Variants in HEPH observed in about 807,000 individuals in gnomAD.
The protein encoded by HEPH is hephaestin.
A neutral mutation model predicts 80.8 loss-of-function variants in HEPH; 69 were observed. The ratio of observed to expected loss-of-function variants is 0.85; its 90% CI spans 0.70 to 1.04. The LOEUF (loss-of-function observed/expected upper bound fraction) is 1.04, where lower values mean the gene tolerates loss of function less well. Among genes scored for constraint, HEPH ranks in the 50% least tolerant of loss-of-function variants. HEPH has a pLI of 0.00. For missense variants in HEPH, 1,115 were observed against 891.3 expected (o/e 1.25, Z -3.20); for synonymous variants, 431 against 322.8 (o/e 1.34, Z -3.60).
intron 15 of HEPH, among the ~76,000 whole-genome samples, chrX:66,210,493 G>A (rs1421704169): frequency 9.0e-6 from 1 of 111,379 alleles, no homozygotes; most frequent in East Asian, 2.8e-4. Context: ...GGGACTAATA[G>A]GCTAGAGTGT....
Position 66,256,122 on chromosome X carries a change from G to A in HEPH, c.2688G>A (p.Leu896=). The change falls in exon 17 of 21, where the codon CTG becomes CTA. Residue 896 remains leucine (L), a synonymous_variant. Transcript: ENST00000343002. ...TTCCTCAGGACATGTATAGTGGCCT[G>A]GTGGGGCCCTTGGCTATCTGCCAAA... ...VDPIKDMYSG[L]VGPLAICQKG... 2 of 1,209,185 alleles carry A rather than the reference G, an allele frequency of 1.7e-6. No individual in the cohort carries two copies. Among genetic ancestry groups the A allele is most frequent in the Non-Finnish European group, 1.1e-6 (1 of 893,377 alleles).
chrX:66,249,345 C>A (rs1569402051), intron 15 of HEPH, among the ~76,000 whole-genome samples: 2 of 111,768 alleles, frequency 1.8e-5, no homozygotes, highest in African/African-American at 6.5e-5. Flanking sequence ...TAATATCTGT[C>A]TCATAGGGAT....
intron 17 of HEPH, among the ~76,000 whole-genome samples, chrX:66,258,347 A>G (rs1338109274): frequency 9.0e-6 from 1 of 111,553 alleles, no homozygotes; most frequent in Non-Finnish European, 1.9e-5. Flanking sequence ...GGGGGAGTGA[A>G]GATTTGACTG....
chrX:66,202,285 T>C (rs967291632), intron 12 of HEPH, among the ~76,000 whole-genome samples: 2 of 110,899 alleles, frequency 1.8e-5, no homozygotes, highest in Non-Finnish European at 3.8e-5. Context: ...GTAGTTGGAG[T>C]GCTAGTTGAG....
At chrX:66,268,764 G>A (rs1401962418), downstream of HEPH, 1 of 111,767 alleles carries the variant, frequency 8.9e-6, no homozygotes, top group Non-Finnish European at 1.9e-5. Flanking sequence ...TATTTTTGTG[G>A]TAAGTTTGCT....
At chrX:66,180,715 A>T (rs1602232839) in intron 4 of HEPH, among the ~76,000 whole-genome samples, 8 of 65,049 alleles carry the variant, frequency 1.2e-4, no homozygotes, top group Admixed American at 2.2e-4. Context: ...TTTTAATTAT[A>T]CTCTAAGTTT....
chrX:66,223,146 GGCTGGT>G (rs2089723414), intron 15 of HEPH, among the ~76,000 whole-genome samples: 3 of 111,336 alleles, frequency 2.7e-5, no homozygotes, highest in Non-Finnish European at 5.7e-5. Context: ...GTGATCTTCA[GGCTGGT>G]GCTGGTTTAC....
intron 15 of HEPH, among the ~76,000 whole-genome samples, chrX:66,237,014 T>C (rs1165428016): frequency 9.0e-6 from 1 of 111,484 alleles, no homozygotes; most frequent in Non-Finnish European, 1.9e-5. Flanking sequence ...CTTTCTTTCT[T>C]CTTTATTAAT....
At chrX:66,172,044 C>T (rs769065909) in intron 2 of HEPH, among the ~76,000 whole-genome samples, 16 of 112,083 alleles carry the variant, frequency 1.4e-4, no homozygotes, top group Middle Eastern at 4.2e-3. Context: ...GCTACATTGA[C>T]GAGGAGTCGA....
At position 66,192,316 on chromosome X, in the gene HEPH, C is replaced by T. The variant is rs182267504; in HGVS notation, c.1232+18C>T. 6.8e-6 allele frequency: 8 copies of T among 1,175,560 alleles called. No individual in the cohort carries two copies. Among genetic ancestry groups the T allele is most frequent in the Non-Finnish European group, 9.2e-6 (8 of 868,582 alleles). On this transcript the variant is annotated intron_variant, in intron 7 of 20. Coordinates refer to ENST00000343002, the MANE Select transcript of HEPH (RefSeq NM_001367233.3). The stretch of plus-strand genomic sequence containing the variant: ...CCAGGCAGGTAAGAGGCAGTGGGAT[C>T]CCTCTCTTTAATTCTTTAATTGGTC...
chrX:66,176,460 A>G, intron 4 of HEPH, among the ~76,000 whole-genome samples: 1 of 111,407 alleles, frequency 9.0e-6, no homozygotes, highest in Middle Eastern at 4.6e-3. Flanking sequence ...TTTAGGACCT[A>G]TGTTCATCAG....
At chrX:66,220,663 A>G (rs1437337146) in intron 15 of HEPH, among the ~76,000 whole-genome samples, 1 of 112,124 alleles carries the variant, frequency 8.9e-6, no homozygotes, top group Non-Finnish European at 1.9e-5. Context: ...ACCACATCTT[A>G]TTCCTAACAT....
At chrX:66,198,798 C>T in intron 10 of HEPH, 80 bp from the exon 11 acceptor site, 2 of 743,520 alleles carry the variant, frequency 2.7e-6, no homozygotes, top group African/African-American at 2.1e-5. Context: ...ATCTGGCATC[C>T]CTTGATCTGT....
In HEPH at chrX:66,203,582, G is replaced by A. The variant is rs773395765; in HGVS notation, c.2291+5G>A. 1.7e-6 allele frequency: 2 copies of A among 1,200,725 alleles called. No individual in the cohort carries two copies. The highest frequency in any genetic ancestry group is 2.3e-6 in the Non-Finnish European group (2 of 886,416). On this transcript the variant is annotated splice_donor_5th_base_variant and intron_variant, in intron 13 of 20. Coordinates refer to ENST00000343002, the MANE Select transcript of HEPH (RefSeq NM_001367233.3). ...CAACCAGTCTGAGAAGGACAGGTAA[G>A]GCTTCATAAATGGAGAGATTACACT...
Position 66,195,192 on chromosome X carries a change from T to G in HEPH, c.1464T>G (p.Phe488Leu). The change falls in exon 9 of 21, where the codon TTT (phenylalanine) becomes TTG (leucine). Residue 488 changes from phenylalanine (F) to leucine (L), a missense_variant. By Grantham distance (22) the Phe-to-Leu change is conservative. Coordinates refer to ENST00000343002, the MANE Select transcript of HEPH (RefSeq NM_001367233.3). The part of the protein sequence containing the change: ...QPFSMQPHGV[F>L]YEKDYEGTVY... ...TCAGCATGCAGCCCCATGGGGTCTTTTATGAGAAAGACTATGAAGGCACTG... is the reference window on the plus strand; with the variant it reads ...TCAGCATGCAGCCCCATGGGGTCTTGTATGAGAAAGACTATGAAGGCACTG... 1 of 1,200,971 alleles carries G rather than the reference T, an allele frequency of 8.3e-7. No homozygotes were observed. The highest frequency in any genetic ancestry group is 1.1e-6 in the Non-Finnish European group (1 of 890,617).
At chrX:66,253,962 G>T (rs747232504) in intron 15 of HEPH, among the ~76,000 whole-genome samples, 1 of 111,339 alleles carries the variant, frequency 9.0e-6, no homozygotes, top group Non-Finnish European at 1.9e-5. Flanking sequence ...GTGGATTAGG[G>T]GATGAGGGCA....
chrX:66,207,451 T>C, intron 14 of HEPH, 117 bp downstream of exon 14: 1 of 457,274 alleles, frequency 2.2e-6, no homozygotes, highest in African/African-American at 2.5e-5. Context: ...TATGATATAC[T>C]GGAATTATGG....
chrX:66,239,327 T>C (rs1449045417), intron 15 of HEPH, among the ~76,000 whole-genome samples: 1 of 111,333 alleles, frequency 9.0e-6, no homozygotes, highest in Non-Finnish European at 1.9e-5. Flanking sequence ...CCCAGAGTCT[T>C]CCCCCTTCAA....
At chrX:66,199,095 T>A in intron 11 of HEPH, 67 bp downstream of exon 11, 1 of 1,037,160 alleles carries the variant, frequency 9.6e-7, no homozygotes, top group Non-Finnish European at 1.3e-6. Context: ...TTAACCGTAA[T>A]CATGACCAAT....
Sources: allele counts gnomAD v4.1 joint callset (sites outside exome capture counted in the v4.1 genomes callset), GRCh38; gene constraint gnomAD v4.1.1; transcripts MANE v1.5; gene names NCBI Gene and HGNC (gene_info 2026-07-23, HGNC 2026-07-21).